Variants in NCKAP5 observed in about 807,000 individuals in gnomAD.
NCKAP5 encodes the protein NCK associated protein 5.
Under a neutral mutation model 167.0 loss-of-function variants are expected in NCKAP5, and 92 were observed. The observed-to-expected ratio is 0.55, with a 90% CI of 0.47 to 0.66. The LOEUF (loss-of-function observed/expected upper bound fraction) is 0.66. Among genes scored for constraint, NCKAP5 ranks in the 30% least tolerant of loss-of-function variants. NCKAP5 has a pLI of 0.00. For synonymous variants in NCKAP5, 891 were observed against 877.4 expected (o/e 1.02, Z -0.27); for missense variants, 2,378 against 2,315.0 (o/e 1.03, Z -0.56).
At chr2:132,848,533 A>G (rs1688838382) in intron 11 of NCKAP5, among the ~76,000 whole-genome samples, 1 of 152,214 alleles carries the variant, frequency 6.6e-6, no homozygotes, top group Non-Finnish European at 1.5e-5. Flanking sequence ...GAAAGTGTAT[A>G]ATGTGTTCTA....
Position 132,712,207 on chromosome 2 carries a change from C to T in NCKAP5, c.5713+13420G>A, listed in dbSNP as rs980472650. Among the ~76,000 whole-genome samples, 11 of 152,304 alleles carry T rather than the reference C, an allele frequency of 7.2e-5. No individual in the cohort carries two copies. The South Asian group carries it at 2.3e-3, about 32-fold the overall frequency. On this transcript the variant is annotated intron_variant, in intron 19 of 19. Transcript: ENST00000409261. ...AGTCAGAGGATGTCACCACTCTCTT[C>T]TCACCCTCTCTTCATTCCCTGATTT...
intron 6 of NCKAP5, among the ~76,000 whole-genome samples, chr2:133,028,000 G>C (rs186052443): frequency 2.0e-5 from 3 of 152,260 alleles, no homozygotes; most frequent in Non-Finnish European, 4.4e-5. Context: ...AACGTTTTGA[G>C]CATCGACAAG....
At chr2:133,620,459 G>C in the NCKAP5 span, among the ~76,000 whole-genome samples, 5 of 152,226 alleles carry the variant, frequency 3.3e-5, no homozygotes, top group South Asian at 1.0e-3. Flanking sequence ...AGAAAAGCAA[G>C]CAGGAGTAGC....
chr2:133,467,452 G>A (rs1332797231), intron 3 of NCKAP5, among the ~76,000 whole-genome samples: 4 of 152,110 alleles, frequency 2.6e-5, no homozygotes, highest in Admixed American at 6.6e-5. Flanking sequence ...GTTCATCAGG[G>A]ATATTGGTCT....
At chr2:133,442,234 G>T (rs1690904565) in intron 3 of NCKAP5, among the ~76,000 whole-genome samples, 1 of 152,174 alleles carries the variant, frequency 6.6e-6, no homozygotes, top group South Asian at 2.1e-4. Context: ...AGGCAGGGAG[G>T]AAATATAGAG....
At chr2:133,313,014 G>C (rs1681353365) in intron 3 of NCKAP5, among the ~76,000 whole-genome samples, 1 of 152,158 alleles carries the variant, frequency 6.6e-6, no homozygotes. Context: ...TAAGTAATTT[G>C]CTTAGGGTCA....
intron 8 of NCKAP5, among the ~76,000 whole-genome samples, chr2:132,937,550 A>C (rs1357771186): frequency 1.3e-5 from 2 of 152,176 alleles, no homozygotes; most frequent in Admixed American, 1.3e-4. Context: ...CACATTCTAA[A>C]ACTCATACGT....
At chr2:132,677,192 G>A (rs1684597175) in intron 19 of NCKAP5, among the ~76,000 whole-genome samples, 2 of 152,006 alleles carry the variant, frequency 1.3e-5, no homozygotes, top group South Asian at 4.1e-4. Flanking sequence ...GGCAACAGTT[G>A]TACAGATGAC....
chr2:133,647,309 C>G, the NCKAP5 span, among the ~76,000 whole-genome samples: 1 of 144,754 alleles, frequency 6.9e-6, no homozygotes, highest in Non-Finnish European at 1.5e-5. Context: ...TGCACTCCAG[C>G]CTGAGCAACA....
At chr2:133,388,321 C>G (rs1257381576) in intron 3 of NCKAP5, among the ~76,000 whole-genome samples, 1 of 152,100 alleles carries the variant, frequency 6.6e-6, no homozygotes, top group East Asian at 1.9e-4. Flanking sequence ...AGACTGTTTG[C>G]CTGGGTATCA....
At chr2:132,917,832 C>T (rs1413212088) in intron 8 of NCKAP5, among the ~76,000 whole-genome samples, 1 of 152,120 alleles carries the variant, frequency 6.6e-6, no homozygotes, top group Non-Finnish European at 1.5e-5. Flanking sequence ...TCACTTAACT[C>T]TAAATCCCAC....
chr2:133,475,317 G>A (rs1344098592), intron 3 of NCKAP5, among the ~76,000 whole-genome samples: 1 of 152,126 alleles, frequency 6.6e-6, no homozygotes, highest in Non-Finnish European at 1.5e-5. Context: ...ATGTCTGCCA[G>A]GACTCCCAAT....
At chr2:133,662,875 T>C in the NCKAP5 span, among the ~76,000 whole-genome samples, 1 of 151,534 alleles carries the variant, frequency 6.6e-6, no homozygotes, top group Non-Finnish European at 1.5e-5. Flanking sequence ...CCAGTGCATA[T>C]AGAAAGTGAT....
chr2:133,050,886 C>T (rs1294925477), intron 6 of NCKAP5, among the ~76,000 whole-genome samples: 2 of 152,058 alleles, frequency 1.3e-5, no homozygotes, highest in African/African-American at 4.8e-5. Flanking sequence ...ATTTTATCAC[C>T]AAAAAGAAAG....
At chr2:132,860,767 A>G (rs558552231) in intron 10 of NCKAP5, among the ~76,000 whole-genome samples, 156 bp from the exon 11 acceptor site, 1 of 152,320 alleles carries the variant, frequency 6.6e-6, no homozygotes, top group African/African-American at 2.4e-5. Context: ...TCGTCCACAG[A>G]CCATTGTCTG....
chr2:133,560,570 C>T (rs1315298242), intron 1 of NCKAP5, among the ~76,000 whole-genome samples: 1 of 152,050 alleles, frequency 6.6e-6, no homozygotes, highest in African/African-American at 2.4e-5. Context: ...GAGAACCTTC[C>T]CCAGAAGGAG....
chr2:133,670,964 C>T, the NCKAP5 span, among the ~76,000 whole-genome samples: 1 of 152,032 alleles, frequency 6.6e-6, no homozygotes, highest in Admixed American at 6.6e-5. Flanking sequence ...GCCTGTAATC[C>T]CAGCACTTTG....
intron 3 of NCKAP5, among the ~76,000 whole-genome samples, chr2:133,420,251 T>A (rs1689386777): frequency 6.6e-6 from 1 of 152,240 alleles, no homozygotes; most frequent in South Asian, 2.1e-4. Flanking sequence ...TATTCTATAC[T>A]TGTACAATGG....
At chr2:133,233,151 C>T (rs2087232786) in intron 4 of NCKAP5, among the ~76,000 whole-genome samples, 1 of 152,116 alleles carries the variant, frequency 6.6e-6, no homozygotes, top group African/African-American at 2.4e-5. Context: ...GCAATAGAGA[C>T]AAATGGGAAA....
Sources: allele counts gnomAD v4.1 joint callset (sites outside exome capture counted in the v4.1 genomes callset), GRCh38; gene constraint gnomAD v4.1.1; transcripts MANE v1.5; gene names NCBI Gene and HGNC (gene_info 2026-07-23, HGNC 2026-07-21).